ARHGAP42: variants seen among roughly 807,000 people sequenced by gnomAD.
ARHGAP42 encodes Rho GTPase activating protein 42, also known as rho GTPase-activating protein 42.
In ARHGAP42, 63 loss-of-function variants were observed where a neutral mutation model predicts 125.0. The ratio of observed to expected loss-of-function variants is 0.50; its 90% confidence interval spans 0.41 to 0.62. ARHGAP42 has a LOEUF of 0.62. ARHGAP42 is among the 20% of genes least tolerant of loss of function. The pLI, the probability that ARHGAP42 is intolerant of heterozygous loss-of-function variation, is 0.00. For missense variants in ARHGAP42, 766 were observed against 1,024.2 expected, an observed-to-expected ratio of 0.75 and a Z score of 3.44; for synonymous variants, 339 against 351.0, an observed-to-expected ratio of 0.97 and a Z score of 0.38.
chr11:100,779,507 CGTATATATATACGTAT>C, intron 2 of ARHGAP42, among the ~76,000 whole-genome samples: 5 of 127,436 alleles, frequency 3.9e-5, no homozygotes, highest in Non-Finnish European at 6.6e-5. Flanking sequence ...CATATATACA[CGTATATATATACGTAT>C]ACATGCGTAT....
chr11:100,836,326 C>G (rs1864785067), intron 3 of ARHGAP42, among the ~76,000 whole-genome samples: 1 of 152,008 alleles, frequency 6.6e-6, no homozygotes, highest in Non-Finnish European at 1.5e-5. Flanking sequence ...TTACTGGTTC[C>G]TGAAGGAAGA....
intron 4 of ARHGAP42, among the ~76,000 whole-genome samples, chr11:100,912,697 C>A (rs1241481253): frequency 5.9e-5 from 9 of 152,120 alleles, no homozygotes; most frequent in African/African-American, 2.2e-4. Flanking sequence ...ATTTGCATTT[C>A]TATGGAGGCA....
intron 8 of ARHGAP42, 68 bp from the exon 9 acceptor site, chr11:100,941,716 G>C: frequency 1.1e-6 from 1 of 928,150 alleles, no homozygotes; most frequent in Non-Finnish European, 1.6e-6. Flanking sequence ...TAGCACTGGA[G>C]AATGTGCAAA....
chr11:100,959,758 A>C, intron 12 of ARHGAP42, 125 bp from the exon 13 acceptor site: 1 of 851,588 alleles, frequency 1.2e-6, no homozygotes, highest in South Asian at 1.7e-5. Context: ...TCTAACCAAA[A>C]TATTTGGAAG....
chr11:100,771,505 G>A (rs937456769), intron 2 of ARHGAP42, among the ~76,000 whole-genome samples: 3 of 152,064 alleles, frequency 2.0e-5, no homozygotes, highest in African/African-American at 7.2e-5. Flanking sequence ...ATATTACTAA[G>A]TGTACCCTAC....
chr11:100,762,925 T>A (rs1438634014), intron 1 of ARHGAP42, among the ~76,000 whole-genome samples: 1 of 151,984 alleles, frequency 6.6e-6, no homozygotes, highest in Non-Finnish European at 1.5e-5. Context: ...TCTGTGATAT[T>A]TGTGTGCATT....
At chr11:100,920,877 G>A (rs1718176418) in intron 5 of ARHGAP42, among the ~76,000 whole-genome samples, 1 of 151,732 alleles carries the variant, frequency 6.6e-6, no homozygotes, top group African/African-American at 2.4e-5. Flanking sequence ...TAATGAGGTG[G>A]CTCTCCTGCT....
At chr11:100,932,311 A>G (rs184304627) in intron 6 of ARHGAP42, among the ~76,000 whole-genome samples, 2 of 152,322 alleles carry the variant, frequency 1.3e-5, no homozygotes, top group Admixed American at 1.3e-4. Flanking sequence ...GTGACTTTTC[A>G]AAAATGTTTT....
chr11:100,808,610 T>G (rs1591198334), intron 3 of ARHGAP42, among the ~76,000 whole-genome samples: 3 of 151,576 alleles, frequency 2.0e-5, no homozygotes, highest in Admixed American at 2.0e-4. Flanking sequence ...TTTCACCTTG[T>G]TAGCCAGGAT....
intron 2 of ARHGAP42, among the ~76,000 whole-genome samples, chr11:100,780,254 A>C (rs994996099): frequency 6.6e-6 from 1 of 152,112 alleles, no homozygotes; most frequent in Admixed American, 6.6e-5. Flanking sequence ...CATGACTTTA[A>C]AAAAGGCTTA....
intron 4 of ARHGAP42, among the ~76,000 whole-genome samples, chr11:100,904,278 C>G (rs564713749): frequency 6.7e-6 from 1 of 148,572 alleles, no homozygotes; most frequent in Non-Finnish European, 1.5e-5. Context: ...GAGTCTTGCT[C>G]TGTCGCCCAG....
chr11:100,722,992 A>T (rs560329265), intron 1 of ARHGAP42, among the ~76,000 whole-genome samples: 19 of 152,292 alleles, frequency 1.2e-4, no homozygotes, highest in Admixed American at 3.3e-4. Flanking sequence ...TGTGAAGTCT[A>T]TATCTAGATT....
chr11:100,970,801 C>T (rs761703714), intron 17 of ARHGAP42, among the ~76,000 whole-genome samples: 1 of 152,072 alleles, frequency 6.6e-6, no homozygotes, highest in Non-Finnish European at 1.5e-5. Flanking sequence ...ATATTCTTGG[C>T]CTGCTGCACC....
intron 1 of ARHGAP42, among the ~76,000 whole-genome samples, chr11:100,764,872 C>A (rs1463327868): frequency 6.6e-6 from 1 of 152,002 alleles, no homozygotes. Context: ...GTTAGGTTTA[C>A]AAATCAGTGA....
chr11:100,909,002 G>A (rs575461131), intron 4 of ARHGAP42, among the ~76,000 whole-genome samples: 11 of 152,018 alleles, frequency 7.2e-5, no homozygotes, highest in East Asian at 5.8e-4. Flanking sequence ...GCATTTTTTT[G>A]TATGTTTGTT....
At chr11:100,779,417 C>T (rs1309932252) in intron 2 of ARHGAP42, among the ~76,000 whole-genome samples, 1 of 136,380 alleles carries the variant, frequency 7.3e-6, no homozygotes. Flanking sequence ...TGCACTCTAG[C>T]CTGGGCAACA....
At chr11:100,751,096 G>T (rs930122891) in intron 1 of ARHGAP42, among the ~76,000 whole-genome samples, 2 of 151,474 alleles carry the variant, frequency 1.3e-5, no homozygotes, top group Non-Finnish European at 2.9e-5. Context: ...CTGCCACCAC[G>T]CCTGGCTAAT....
At chr11:100,876,894 T>C (rs1865834796) in intron 4 of ARHGAP42, among the ~76,000 whole-genome samples, 1 of 152,146 alleles carries the variant, frequency 6.6e-6, no homozygotes, top group Non-Finnish European at 1.5e-5. Context: ...AATTTAATGC[T>C]CTCCAGAGAC....
chr11:100,688,926 TG>T (rs1861139404), intron 1 of ARHGAP42, among the ~76,000 whole-genome samples: 1 of 152,044 alleles, frequency 6.6e-6, no homozygotes, highest in Non-Finnish European at 1.5e-5. Context: ...AGGACATATA[TG>T]GGGGCATCAT....
Sources: allele counts gnomAD v4.1 joint callset (sites outside exome capture counted in the v4.1 genomes callset), GRCh38; gene constraint gnomAD v4.1.1; transcripts MANE v1.5; gene names NCBI Gene and HGNC (gene_info 2026-07-23, HGNC 2026-07-21).